The following CENPC variants were observed in gnomAD, a reference collection of about 807,000 sequenced individuals.
CENPC encodes the protein CENP-C 1.
In CENPC, 63 loss-of-function variants were observed where a neutral mutation model predicts 112.1. That is an observed-to-expected ratio of 0.56 (90% CI 0.46 to 0.69). The LOEUF (loss-of-function observed/expected upper bound fraction) is 0.69, where lower values mean the gene tolerates loss of function less well. Ranked by LOEUF, CENPC falls within the 30% of genes least tolerant of loss-of-function variation. CENPC has a pLI of 0.00. For synonymous variants in CENPC, 333 were observed against 367.6 expected (o/e 0.91, Z 1.08); for missense variants, 1,000 against 1,103.8 (o/e 0.91, Z 1.33).
chr4:67,530,995 G>A, intron 4 of CENPC, 81 bp from the exon 5 acceptor site: 2 of 624,420 alleles, frequency 3.2e-6, no homozygotes, highest in South Asian at 2.6e-5. Flanking sequence ...TTTAAATGGG[G>A]GGAAAAACAA....
intron 17 of CENPC, among the ~76,000 whole-genome samples, chr4:67,479,750 T>G (rs1724902179): frequency 6.6e-6 from 1 of 152,062 alleles, no homozygotes; most frequent in East Asian, 1.9e-4. Flanking sequence ...TAATCAGAAT[T>G]GATAGACCAT....
chr4:67,534,191 G>T (rs1726645073), intron 4 of CENPC, among the ~76,000 whole-genome samples: 2 of 152,152 alleles, frequency 1.3e-5, no homozygotes, highest in African/African-American at 4.8e-5. Flanking sequence ...TGAGGCGGGT[G>T]GATCACCTGA....
chr4:67,533,206 C>G lies in CENPC; in HGVS notation c.232-2292G>C, dbSNP rs184585356. On this transcript the variant is annotated intron_variant, in intron 4 of 18. Coordinates refer to ENST00000273853, the MANE Select transcript of CENPC (RefSeq NM_001812.4). Reference sequence around the variant, plus strand: ...GGGTCAGTCTTTCCCATGCTATTCTCGTGATAGTGAATAAGTCTCACAAGA... The same window carrying G: ...GGGTCAGTCTTTCCCATGCTATTCTGGTGATAGTGAATAAGTCTCACAAGA... 6.2e-4 allele frequency among the ~76,000 whole-genome samples: 95 copies of G among 152,304 alleles called. No individual in the cohort carries two copies. In the East Asian group the frequency reaches 0.013, roughly 22 times the overall value.
intron 7 of CENPC, among the ~76,000 whole-genome samples, chr4:67,517,755 T>G (rs188960900): frequency 1.1e-3 from 170 of 152,110 alleles, no homozygotes; most frequent in African/African-American, 3.9e-3. Context: ...GAGAATCTCT[T>G]GAACCCAGGA....
At chr4:67,477,696 C>T (rs927811831) in intron 17 of CENPC, among the ~76,000 whole-genome samples, 4 of 152,108 alleles carry the variant, frequency 2.6e-5, no homozygotes, top group Non-Finnish European at 2.9e-5. Context: ...TAGATCCAAA[C>T]AAATAAATCT....
chr4:67,517,491 CTCTGA>C (rs908236259), intron 7 of CENPC, among the ~76,000 whole-genome samples: 2 of 151,730 alleles, frequency 1.3e-5, no homozygotes, highest in African/African-American at 4.9e-5. Context: ...TTCACTAGCA[CTCTGA>C]TACCTATGAT....
intron 17 of CENPC, among the ~76,000 whole-genome samples, chr4:67,480,435 C>T: frequency 6.6e-6 from 1 of 151,590 alleles, no homozygotes; most frequent in Middle Eastern, 3.4e-3. Context: ...TGGAAATACA[C>T]AACCTTCTTA....
intron 5 of CENPC, among the ~76,000 whole-genome samples, chr4:67,521,584 G>C (rs575987587): frequency 6.6e-6 from 1 of 152,292 alleles, no homozygotes; most frequent in South Asian, 2.1e-4. Flanking sequence ...CACTGCTAGT[G>C]TGAATGTAGA....
chr4:67,507,603 TC>T (rs1725772832), intron 10 of CENPC, among the ~76,000 whole-genome samples: 1 of 152,104 alleles, frequency 6.6e-6, no homozygotes, highest in South Asian at 2.1e-4. Flanking sequence ...GAATCAGTAA[TC>T]AAAAACAAAC....
rs751152248 is a variant in CENPC at position 67,474,914 on chromosome 4, G to A, written c.2735C>T (p.Thr912Ile). The A allele has an allele frequency of 1.0e-5, 16 of 1,581,330 alleles. No individual in the cohort carries two copies. The highest frequency in any genetic ancestry group is 1.4e-5 in the Non-Finnish European group (16 of 1,158,578). The part of the protein sequence containing the change: ...TLHETPYILS[T>I]GDSFYVPSGN... ...TGAAGGAACATAGAACGAATCCCCA[G>A]TACTTAATATATAAGGTGTTTCATG... The change falls in exon 18 of 19, where the codon ACT becomes ATT. Residue 912 changes from threonine to isoleucine, a missense_variant. Coordinates refer to ENST00000273853, the MANE Select transcript of CENPC (RefSeq NM_001812.4).
In CENPC at chr4:67,508,328, C is replaced by A. The variant is rs552948563; in HGVS notation, c.1904+486G>T. On this transcript the variant is annotated intron_variant, in intron 10 of 18. Transcript: ENST00000273853. ...AGGCGTTCAAGACAAGCCTAGGCAA[C>A]AAAGCAAGACCTCATTTCTCCAACA... 2.6e-5 allele frequency among the ~76,000 whole-genome samples: 4 copies of A among 151,852 alleles called. No homozygotes were observed. In the South Asian group the frequency reaches 8.3e-4, roughly 32 times the overall value.
intron 17 of CENPC, among the ~76,000 whole-genome samples, chr4:67,489,056 A>G (rs1371933037): frequency 6.6e-6 from 1 of 151,970 alleles, no homozygotes; most frequent in African/African-American, 2.4e-5. Context: ...ATACTGAAAG[A>G]TGTTCCTTAG....
intron 17 of CENPC, among the ~76,000 whole-genome samples, chr4:67,483,195 C>A (rs1396105370): frequency 1.3e-5 from 2 of 152,016 alleles, no homozygotes; most frequent in Non-Finnish European, 2.9e-5. Context: ...CAGTCTTGGG[C>A]AGTTCTTTAT....
intron 12 of CENPC, among the ~76,000 whole-genome samples, chr4:67,502,838 C>A (rs1013040326): frequency 6.6e-6 from 1 of 152,110 alleles, no homozygotes; most frequent in African/African-American, 2.4e-5. Context: ...TCTTATACAC[C>A]ACGTATCGTC....
In CENPC at chr4:67,472,512, T is replaced by TCACAAGTAATTA. The variant is rs1247384792; in HGVS notation, c.*81_*92dup. 1 of 1,267,878 alleles carries TCACAAGTAATTA rather than the reference T, an allele frequency of 7.9e-7. No homozygotes were observed. Among genetic ancestry groups the TCACAAGTAATTA allele is most frequent in the Non-Finnish European group, 1.0e-6 (1 of 992,822 alleles). 78.5% of individuals were successfully genotyped at this position (1,267,878 alleles called of 1,614,324 possible). The stretch of plus-strand genomic sequence containing the variant: ...TGAATAAAATTTTTATTTTAAAACA[T>TCACAAGTAATTA]CACAAGTAATTACAAAGACAAATAT... On this transcript the variant is annotated 3_prime_UTR_variant, in exon 19 of 19. Coordinates refer to ENST00000273853, the MANE Select transcript of CENPC (RefSeq NM_001812.4).
intron 17 of CENPC, among the ~76,000 whole-genome samples, chr4:67,482,397 G>A (rs1724980017): frequency 6.6e-6 from 1 of 152,082 alleles, no homozygotes; most frequent in South Asian, 2.1e-4. Flanking sequence ...CCCACTACTG[G>A]GTACCTACTC....
At chr4:67,474,514 A>G (rs1157125816) in intron 18 of CENPC, among the ~76,000 whole-genome samples, 2 of 152,106 alleles carry the variant, frequency 1.3e-5, no homozygotes, top group Non-Finnish European at 2.9e-5. Context: ...TACGGCTAAC[A>G]TAGCAAAATC....
At chr4:67,538,496 G>A (rs1324100480) in intron 4 of CENPC, among the ~76,000 whole-genome samples, 1 of 152,196 alleles carries the variant, frequency 6.6e-6, no homozygotes, top group African/African-American at 2.4e-5. Context: ...GGAAACAAAT[G>A]AGGTGAACCC....
chr4:67,472,565 A>G lies in CENPC; in HGVS notation c.*40T>C, dbSNP rs1724696233. On this transcript the variant is annotated 3_prime_UTR_variant, in exon 19 of 19. Transcript: ENST00000273853. ...CAACTATACAAACTGTTTTTCACAT[A>G]TACATATATACATACATATATTTAA... 2 of 1,364,606 alleles carry G rather than the reference A, an allele frequency of 1.5e-6. No homozygotes were observed. The highest frequency in any genetic ancestry group is 5.7e-5 in the East Asian group (2 of 35,180). The allele number at this position is 1,364,606 out of a possible 1,614,324, so 84.5% of individuals were successfully genotyped here.
Sources: gnomAD v4.1 joint callset for allele counts (sites outside exome capture counted in the v4.1 genomes callset) on GRCh38, gnomAD v4.1.1 for gene constraint, MANE v1.5 for transcripts, NCBI Gene and HGNC (gene_info 2026-07-23, HGNC 2026-07-21) for gene names.